The following SFMBT2 variants were observed in gnomAD, a reference collection of about 807,000 sequenced individuals.
SFMBT2 encodes the protein Scm like with four mbt domains 2, also known as scm-like with four MBT domains protein 2.
Under a neutral mutation model 110.1 loss-of-function variants are expected in SFMBT2, and 38 were observed. That is an observed-to-expected ratio of 0.35 (90% CI 0.27 to 0.45). The LOEUF is 0.45. Among genes scored for constraint, SFMBT2 ranks in the 20% least tolerant of loss-of-function variants. The pLI, the probability that SFMBT2 is intolerant of heterozygous loss-of-function variation, is 1.00. For missense variants in SFMBT2, 1,011 were observed against 1,094.9 expected, an observed-to-expected ratio of 0.92 and a Z score of 1.08; for synonymous variants, 425 against 425.4, an observed-to-expected ratio of 1.00 and a Z score of 0.01.
chr10:7,313,986 T>C (rs117806587), intron 4 of SFMBT2, among the ~76,000 whole-genome samples: 5,030 of 152,324 alleles, frequency 0.033, 124 homozygotes, highest in Non-Finnish European at 0.054. Flanking sequence ...AGGAGGACTT[T>C]CACATTTTAC....
chr10:7,229,144 A>C (rs1412180139), intron 9 of SFMBT2, among the ~76,000 whole-genome samples: 1 of 152,076 alleles, frequency 6.6e-6, no homozygotes, highest in African/African-American at 2.4e-5. Context: ...AATCTCTAAG[A>C]GATTTCTTAT....
At chr10:7,192,860 ACTT>A (rs1317624692) in intron 15 of SFMBT2, among the ~76,000 whole-genome samples, 1 of 152,046 alleles carries the variant, frequency 6.6e-6, no homozygotes, top group Non-Finnish European at 1.5e-5. Context: ...GTGCCGCACT[ACTT>A]CTTTGATTCT....
At chr10:7,326,641 C>T (rs183494271) in intron 4 of SFMBT2, among the ~76,000 whole-genome samples, 7 of 152,296 alleles carry the variant, frequency 4.6e-5, no homozygotes, top group Admixed American at 3.3e-4. Context: ...AATTAATCCT[C>T]GAAATCACAC....
intron 11 of SFMBT2, among the ~76,000 whole-genome samples, chr10:7,219,229 C>T (rs1008855700): frequency 6.6e-6 from 1 of 152,220 alleles, no homozygotes; most frequent in Admixed American, 6.5e-5. Context: ...CTGTAAGCTA[C>T]AGAAATGTTG....
chr10:7,197,736 C>T (rs1334566070), intron 14 of SFMBT2, 49 bp from the exon 15 acceptor site: 2 of 1,597,794 alleles, frequency 1.3e-6, no homozygotes, highest in East Asian at 4.5e-5. Context: ...AGCCCCAGAC[C>T]CTAGGGGACC....
chr10:7,274,978 G>A (rs907925113), intron 7 of SFMBT2, among the ~76,000 whole-genome samples: 1 of 152,092 alleles, frequency 6.6e-6, no homozygotes, highest in Non-Finnish European at 1.5e-5. Context: ...GTAGGGAAAG[G>A]GCCCTCTCTG....
rs80207401 is a variant in SFMBT2, at chr10:7,300,286, C to CTT, written c.437-14334_437-14333dup. Among the ~76,000 whole-genome samples, 312 of 143,800 alleles carry CTT rather than the reference C, an allele frequency of 2.2e-3. 1 individual carries two copies. The highest frequency in any genetic ancestry group is 7.5e-3 in the African/African-American group (294 of 39,458). 94.3% of individuals were successfully genotyped at this position (143,800 alleles called of 152,430 possible). On this transcript the variant is annotated intron_variant, in intron 4 of 20. Transcript: ENST00000397167. ...CTGCACGTTCTGCACATGTATCCAG[C>CTT]TTTTTTTTTTTTTAAGAAATAAAGA...
intron 1 of SFMBT2, among the ~76,000 whole-genome samples, chr10:7,389,384 C>A (rs1306672996): frequency 6.6e-6 from 1 of 152,128 alleles, no homozygotes; most frequent in Non-Finnish European, 1.5e-5. Context: ...AAGCGTATTT[C>A]CTTTTGTTTC....
chr10:7,202,166 T>A (rs568861125), intron 13 of SFMBT2: 1 of 240,936 alleles, frequency 4.2e-6, no homozygotes, highest in East Asian at 1.8e-4. Context: ...GTGGGGCCCC[T>A]GCAGACGCTG....
chr10:7,397,496 GTC>G, intron 1 of SFMBT2, among the ~76,000 whole-genome samples: 1 of 152,076 alleles, frequency 6.6e-6, no homozygotes, highest in Non-Finnish European at 1.5e-5. Context: ...AATCTAGCAC[GTC>G]TAAATCAAAG....
chr10:7,230,122 C>T (rs1840072956), intron 9 of SFMBT2, among the ~76,000 whole-genome samples: 1 of 152,074 alleles, frequency 6.6e-6, no homozygotes, highest in Admixed American at 6.6e-5. Flanking sequence ...CCATATCCTG[C>T]TGACCATCAG....
intron 4 of SFMBT2, among the ~76,000 whole-genome samples, chr10:7,303,217 A>T (rs1842600757): frequency 6.6e-6 from 1 of 152,256 alleles, no homozygotes; most frequent in Non-Finnish European, 1.5e-5. Flanking sequence ...GTTTGTGAAA[A>T]ATGAAGCTTT....
intron 6 of SFMBT2, 47 bp downstream of exon 6, chr10:7,283,857 C>T (rs781393427): frequency 7.0e-6 from 9 of 1,277,942 alleles, no homozygotes; most frequent in South Asian, 6.2e-5. Flanking sequence ...GAAAATATCA[C>T]ATCTTTTTCT....
chr10:7,357,734 G>A (rs1390803734), intron 4 of SFMBT2, among the ~76,000 whole-genome samples: 1 of 152,152 alleles, frequency 6.6e-6, no homozygotes, highest in Admixed American at 6.5e-5. Context: ...ACTGAAGGTC[G>A]TACTCACCAA....
At position 7,367,569 on chromosome 10, in the gene SFMBT2, T is replaced by TTC. The variant is rs2132051568; in HGVS notation, c.436+78_436+79dup. On this transcript the variant is annotated intron_variant, in intron 4 of 20. Coordinates refer to ENST00000397167, the MANE Select transcript of SFMBT2 (RefSeq NM_001387889.1). This position sits in a 1 kb window ranked among gnomAD's most constrained non-coding sequence, Gnocchi z 6.2. ...AGACCATTAGGGATTCTACGCAAGG[T>TTC]TCTCTCTGCTCCTTGCAAAATTACA... 6.5e-7 allele frequency: 1 copy of TTC among 1,537,230 alleles called. No individual in the cohort carries two copies. Among genetic ancestry groups the TTC allele is most frequent in the African/African-American group, 1.4e-5 (1 of 73,274 alleles).
intron 1 of SFMBT2, among the ~76,000 whole-genome samples, chr10:7,382,526 A>G (rs1250678176): frequency 6.6e-6 from 1 of 152,210 alleles, no homozygotes; most frequent in African/African-American, 2.4e-5. Context: ...TATCACCACT[A>G]AGATGGACAC....
At chr10:7,316,448 C>T (rs900907648) in intron 4 of SFMBT2, among the ~76,000 whole-genome samples, 3 of 152,106 alleles carry the variant, frequency 2.0e-5, no homozygotes, top group Non-Finnish European at 4.4e-5. Flanking sequence ...TGATGGGCCC[C>T]GCCAGGCTGG....
At chr10:7,387,047 T>C (rs983182969) in intron 1 of SFMBT2, among the ~76,000 whole-genome samples, 6 of 152,234 alleles carry the variant, frequency 3.9e-5, no homozygotes, top group African/African-American at 1.4e-4. Flanking sequence ...CTATGACTTT[T>C]ATATTTTTAC....
intron 4 of SFMBT2, among the ~76,000 whole-genome samples, chr10:7,304,080 A>T (rs1019555224): frequency 5.3e-5 from 8 of 152,234 alleles, no homozygotes; most frequent in African/African-American, 1.9e-4. Flanking sequence ...GCAGAGAAAC[A>T]GAATGAACCC....
Sources: gnomAD v4.1 joint callset for allele counts (sites outside exome capture counted in the v4.1 genomes callset) on GRCh38, gnomAD v4.1.1 for gene constraint, Gnocchi (gnomAD v3.1) non-coding constraint, MANE v1.5 for transcripts, NCBI Gene and HGNC (gene_info 2026-07-23, HGNC 2026-07-21) for gene names.